CTSF: variants seen among roughly 807,000 people sequenced by gnomAD.
CTSF encodes the protein cathepsin F.
In CTSF, 65 loss-of-function variants were observed where a neutral mutation model predicts 63.5. That is an observed-to-expected ratio of 1.02 (90% confidence interval 0.84 to 1.26). The LOEUF is 1.26. Among genes scored for constraint, CTSF ranks in the 50% most tolerant of loss-of-function variants. CTSF has a pLI of 0.00. For synonymous variants in CTSF, 256 were observed against 258.1 expected (o/e 0.99, Z 0.08); for missense variants, 641 against 631.0 (o/e 1.02, Z -0.17).
rs77098817 is a variant in CTSF, at chr11:66,567,836, C to G, written c.312+148G>C. ...CGGGGCATCCTCCCCTTCATAGCAT[C>G]TTGGTTTCCAGCCCTCGGGGCCTGG... On this transcript the variant is annotated intron_variant, in intron 2 of 12. Coordinates refer to ENST00000310325, the MANE Select transcript of CTSF (RefSeq NM_003793.4). The G allele has an allele frequency of 1.7e-3, 2,359 of 1,367,002 alleles. 34 individuals carry two copies. The African/African-American group carries it at 0.03, about 17-fold the overall frequency. The allele number at this position is 1,367,002 out of a possible 1,614,324, so 84.7% of individuals were successfully genotyped here.
intron 4 of CTSF, 93 bp from the exon 5 acceptor site, chr11:66,566,497 G>A: frequency 8.5e-7 from 1 of 1,178,214 alleles, no homozygotes; most frequent in South Asian, 1.3e-5. Context: ...TCCCCGGGGA[G>A]CAGGTAGGGG....
intron 3 of CTSF, 51 bp from the exon 4 acceptor site, chr11:66,567,372 G>A (rs1857954613): frequency 6.2e-7 from 1 of 1,613,516 alleles, no homozygotes; most frequent in African/African-American, 1.3e-5. Flanking sequence ...CACTCCAGAG[G>A]GAAGGGAGAA....
In CTSF at chr11:66,563,524, T is replaced by C; in HGVS notation, c.*409A>G. 2.3e-6 allele frequency: 1 copy of C among 441,426 alleles called. No homozygotes were observed. The highest frequency in any genetic ancestry group is 4.0e-6 in the Non-Finnish European group (1 of 247,284). The allele number at this position is 441,426 out of a possible 1,614,324, so 27.3% of individuals were successfully genotyped here. A position where few individuals can be genotyped will look rare whatever the true frequency, so the allele number is the denominator to read the frequency against. On this transcript the variant is annotated 3_prime_UTR_variant, in exon 13 of 13. Transcript: ENST00000310325. The stretch of plus-strand genomic sequence containing the variant: ...AGGGTGGTTACAAGTTTCCTGGACA[T>C]GGAGAGGGACACTATCCCTAAATCC...
At chr11:66,564,066 G>A (rs763665012) in intron 12 of CTSF, 22 bp downstream of exon 12, 1 of 1,613,432 alleles carries the variant, frequency 6.2e-7, no homozygotes, top group South Asian at 1.1e-5. Context: ...GGAGGGCCAG[G>A]GGCCAAGCCA....
chr11:66,566,007 T>C lies in CTSF; in HGVS notation c.867+15A>G. 1 of 1,614,100 alleles carries C rather than the reference T, an allele frequency of 6.2e-7. No homozygotes were observed. Among genetic ancestry groups the C allele is most frequent in the Non-Finnish European group, 8.5e-7 (1 of 1,179,994 alleles). ...TGCAGTGCCCATGTCCCACCCTCAC[T>C]TCCAGGGGTCCAACCTGGTCTTTGA... is the stretch of plus-strand genomic sequence containing the variant. On this transcript the variant is annotated intron_variant, in intron 6 of 12. Transcript: ENST00000310325.
Position 66,564,988 on chromosome 11 carries a change from TC to T in CTSF, c.1063del (p.Asp355MetfsTer29). 6.4e-7 allele frequency: 1 copy of T among 1,573,022 alleles called. No homozygotes were observed. ...CATGTGACCCTGGTAGCTGTAGTCA[TC>T]CTCTGTCTCCAGCCCTCCTGGGGAA... The part of the protein sequence containing the change: ...IKNLGGLETE[D>X]DYSYQGHMQS... On this transcript the variant is annotated frameshift_variant, in exon 9 of 13. Coordinates refer to ENST00000310325, the MANE Select transcript of CTSF (RefSeq NM_003793.4). LOFTEE classifies it high-confidence loss of function.
rs1485452186 is a variant in CTSF, at chr11:66,568,038, C to G, written c.258G>C (p.Glu86Asp). Residue 86 changes from glutamate to aspartate, a missense_variant, in exon 2 of 13, where the codon GAG becomes GAC. Physicochemically the swap from Glu to Asp is conservative, Grantham distance 45 (BLOSUM62 2). Transcript: ENST00000310325. ...ACACCATGGGGTCGTTGCAGGGTGG[C>G]TCCTCCAGGGTGGCCTCCAGGGAGT... is the stretch of plus-strand genomic sequence containing the variant. ...SLYSLEATLE[E>D]PPCNDPMVCR... The G allele has an allele frequency of 6.2e-7, 1 of 1,603,150 alleles. No homozygotes were observed. The highest frequency in any genetic ancestry group is 1.1e-5 in the South Asian group (1 of 90,154).
At position 66,564,774 on chromosome 11, in the gene CTSF, T is replaced by C. The variant is rs780211076; in HGVS notation, c.1198A>G (p.Ile400Val). Residue 400 changes from isoleucine (I) to valine (V), a missense_variant, in exon 10 of 13, where the codon ATC (isoleucine) becomes GTC (valine). Coordinates refer to ENST00000310325, the MANE Select transcript of CTSF (RefSeq NM_003793.4). The stretch of plus-strand genomic sequence containing the variant: ...CCAAAGGCATTGATGGCCACGGAGA[T>C]TGGGCCTCTCTTGGCCAGCCAGGCT... ...LAAWLAKRGP[I>V]SVAINAFGMQ... The C allele has an allele frequency of 4.3e-6, 7 of 1,613,826 alleles. No homozygotes were observed. Among genetic ancestry groups the C allele is most frequent in the Admixed American group, 1.7e-5 (1 of 59,992 alleles).
Position 66,568,297 on chromosome 11 carries a change from G to T in CTSF, c.190C>A (p.Leu64Ile). ...RAAGTRAVLG[L>I]VRGRVRRAGQ... Reference sequence around the variant, plus strand: ...ACCCGGCGGACGCGGCCGCGCACAAGGCCCAGCACGGCCCGCGTCCCCGCA... The same window carrying T: ...ACCCGGCGGACGCGGCCGCGCACAATGCCCAGCACGGCCCGCGTCCCCGCA... The change falls in exon 1 of 13, where the codon CTT becomes ATT. Residue 64 changes from leucine (L) to isoleucine (I), a missense_variant. Coordinates refer to ENST00000310325, the MANE Select transcript of CTSF (RefSeq NM_003793.4). 10 of 1,359,106 alleles carry T rather than the reference G, an allele frequency of 7.4e-6. No homozygotes were observed. The highest frequency in any genetic ancestry group is 3.1e-5 in the East Asian group (1 of 32,184). 84.2% of individuals were successfully genotyped at this position (1,359,106 alleles called of 1,614,324 possible).
At position 66,564,098 on chromosome 11, in the gene CTSF, C is replaced by CA; in HGVS notation, c.1369dup (p.Trp457LeufsTer3). The CA allele has an allele frequency of 1.9e-6, 3 of 1,613,616 alleles. No individual in the cohort carries two copies. The highest frequency in any genetic ancestry group is 2.5e-6 in the Non-Finnish European group (3 of 1,179,838). ...GCCAGCAAGACTCACCTTCTCACCC[C>CA]AGTCAGTGCCCCAGCTGTTCTTGAT... On this transcript the variant is annotated frameshift_variant, in exon 12 of 13. Coordinates refer to ENST00000310325, the MANE Select transcript of CTSF (RefSeq NM_003793.4). LOFTEE classifies it high-confidence loss of function.
rs758884287 is a variant in CTSF at position 66,565,853 on chromosome 11, G to A, written c.942C>T (p.Thr314=). 1.9e-6 allele frequency: 3 copies of A among 1,613,982 alleles called. No individual in the cohort carries two copies. The East Asian group carries it at 6.7e-5, about 36-fold the overall frequency. The change falls in exon 7 of 13, where the codon ACC becomes ACT. Residue 314 remains threonine (T), a synonymous_variant. Transcript: ENST00000310325. ...CACCCTGTTCAGAGAGGGAGAGCAG[G>A]GTCCCCTGGTTGAGAAACCACTGGC... is the stretch of plus-strand genomic sequence containing the variant. The part of the protein sequence containing the change: ...VEGQWFLNQG[T]LLSLSEQELL...
At position 66,568,376 on chromosome 11, in the gene CTSF, C is replaced by G. The variant is rs1377685384; in HGVS notation, c.111G>C (p.Pro37=). Reference sequence around the variant, plus strand: ...CGAAGCGGGTGGGCGCCAGCAGCTCCGGGGACGGCGGCCCCCAGGCCTGAA... The same window carrying G: ...CGAAGCGGGTGGGCGCCAGCAGCTCGGGGGACGGCGGCCCCCAGGCCTGAA... ...ASFQAWGPPS[P]ELLAPTRFAL... is the part of the protein sequence containing the mutation. The change falls in exon 1 of 13, where the codon CCG becomes CCC. Residue 37 remains proline, a synonymous_variant. Transcript: ENST00000310325. 1.5e-6 allele frequency: 2 copies of G among 1,305,962 alleles called. No individual in the cohort carries two copies. Among genetic ancestry groups the G allele is most frequent in the South Asian group, 4.9e-5 (2 of 40,840 alleles). The allele number at this position is 1,305,962 out of a possible 1,614,324, so 80.9% of individuals were successfully genotyped here. A position where few individuals can be genotyped will look rare whatever the true frequency, so the allele number is the denominator to read the frequency against.
Position 66,568,314 on chromosome 11 carries a change from G to A in CTSF, c.173C>T (p.Thr58Met). Residue 58 changes from threonine to methionine, a missense_variant, in exon 1 of 13, where the codon ACG (threonine) becomes ATG (methionine). Physicochemically the swap from Thr to Met is moderately conservative, Grantham distance 81 (BLOSUM62 -1). Transcript: ENST00000310325. ...EMFNRGRAAG[T>M]RAVLGLVRGR... is the part of the protein sequence containing the mutation. ...GCGCACAAGGCCCAGCACGGCCCGC[G>A]TCCCCGCAGCCCGGCCGCGGTTGAA... 7.5e-7 allele frequency: 1 copy of A among 1,332,084 alleles called. No individual in the cohort carries two copies. The highest frequency in any genetic ancestry group is 9.5e-7 in the Non-Finnish European group (1 of 1,052,070). 82.5% of individuals were successfully genotyped at this position (1,332,084 alleles called of 1,614,324 possible). A position where few individuals can be genotyped will look rare whatever the true frequency, so the allele number is the denominator to read the frequency against.
Position 66,567,620 on chromosome 11 carries a change from G to C in CTSF, c.355C>G (p.Leu119Val), listed in dbSNP as rs372604212. 1 of 1,614,196 alleles carries C rather than the reference G, an allele frequency of 6.2e-7. No homozygotes were observed. The highest frequency in any genetic ancestry group is 1.1e-5 in the South Asian group (1 of 91,082). The change falls in exon 3 of 13, where the codon CTG (leucine) becomes GTG (valine). Residue 119 changes from leucine (L) to valine (V), a missense_variant. Physicochemically the swap from Leu to Val is conservative, Grantham distance 32. Coordinates refer to ENST00000310325, the MANE Select transcript of CTSF (RefSeq NM_003793.4). ...ACTGGGCCACAGTCCTTCCGCAGCA[G>C]CACGTGTCTTCCGAGCTCATCCAGG... ...QVLDELGRHVLLRKDCGPVDT... is the reference protein window; with the variant it reads ...QVLDELGRHVVLRKDCGPVDT...
intron 8 of CTSF, 65 bp from the exon 9 acceptor site, chr11:66,565,071 A>T: frequency 6.6e-7 from 1 of 1,513,302 alleles, no homozygotes. Flanking sequence ...GCCAGAAATG[A>T]ACTAAGCCCT....
At position 66,565,012 on chromosome 11, in the gene CTSF, G is replaced by A; in HGVS notation, c.1046-6C>T. The A allele has an allele frequency of 6.4e-7, 1 of 1,552,824 alleles. No individual in the cohort carries two copies. Among genetic ancestry groups the A allele is most frequent in the Non-Finnish European group, 8.7e-7 (1 of 1,146,386 alleles). ...ATCCTCTGTCTCCAGCCCTCCTGGGGAACGGTGGGGGTGAGTAGAGAAGGG... is the reference window on the plus strand; with the variant it reads ...ATCCTCTGTCTCCAGCCCTCCTGGGAAACGGTGGGGGTGAGTAGAGAAGGG... On this transcript the variant is annotated splice_region_variant and splice_polypyrimidine_tract_variant and intron_variant, in intron 8 of 12. Transcript: ENST00000310325.
chr11:66,567,425 C>T lies in CTSF; in HGVS notation c.531+19G>A, dbSNP rs1391689974. 2.5e-6 allele frequency: 4 copies of T among 1,613,834 alleles called. No individual in the cohort carries two copies. The East Asian group carries it at 6.7e-5, about 27-fold the overall frequency. The stretch of plus-strand genomic sequence containing the variant: ...CTGGCTCCTCAAGCTGAGGGCTCCT[C>T]AAGCTGAGGGCTCCTCACCTGGGAC... On this transcript the variant is annotated intron_variant, in intron 3 of 12. Transcript: ENST00000310325.
chr11:66,563,606 T>C lies in CTSF; in HGVS notation c.*327A>G. The C allele has an allele frequency of 1.9e-6, 1 of 534,344 alleles. No homozygotes were observed. The highest frequency in any genetic ancestry group is 3.4e-6 in the Non-Finnish European group (1 of 297,964). 33.1% of individuals were successfully genotyped at this position (534,344 alleles called of 1,614,324 possible). On this transcript the variant is annotated 3_prime_UTR_variant, in exon 13 of 13. Transcript: ENST00000310325. ...GAGGAAAGCGGGGGCAGAACAGAGC[T>C]GGGCTTAAGATCAGAAAATTTTCTT...
rs1857859586 is a variant in CTSF, at chr11:66,563,743, G to A, written c.*190C>T. 2 of 664,760 alleles carry A rather than the reference G, an allele frequency of 3.0e-6. No individual in the cohort carries two copies. Among genetic ancestry groups the A allele is most frequent in the Non-Finnish European group, 5.1e-6 (2 of 394,064 alleles). The allele number at this position is 664,760 out of a possible 1,614,324, so 41.2% of individuals were successfully genotyped here. A position where few individuals can be genotyped will look rare whatever the true frequency, so the allele number is the denominator to read the frequency against. ...ACAATTCAACAAAGGTGCAGGTGCA[G>A]AACTTCAGGGTGGGAATGGGGTGCA... On this transcript the variant is annotated 3_prime_UTR_variant, in exon 13 of 13. Coordinates refer to ENST00000310325, the MANE Select transcript of CTSF (RefSeq NM_003793.4).
Sources: allele counts gnomAD v4.1 joint callset, GRCh38; gene constraint gnomAD v4.1.1; transcripts MANE v1.5; gene names NCBI Gene and HGNC (gene_info 2026-07-23, HGNC 2026-07-21).